The following EPS15 variants were observed in gnomAD, a reference collection of about 807,000 sequenced individuals.
The protein encoded by EPS15 is epidermal growth factor receptor substrate 15.
EPS15 carries 72 observed loss-of-function variants against 113.8 expected under a neutral mutation model. That is an observed-to-expected ratio of 0.63 (90% CI 0.52 to 0.77). EPS15 has a LOEUF of 0.77. EPS15 is among the 30% of genes least tolerant of loss of function. EPS15 has a pLI of 0.00. For missense variants in EPS15, 1,048 were observed against 1,045.8 expected, an observed-to-expected ratio of 1.00 and a Z score of -0.03; for synonymous variants, 344 against 363.4, an observed-to-expected ratio of 0.95 and a Z score of 0.61.
At chr1:51,485,994 C>T (rs944873606) in intron 1 of EPS15, among the ~76,000 whole-genome samples, 7 of 151,792 alleles carry the variant, frequency 4.6e-5, no homozygotes, top group African/African-American at 7.3e-5. Flanking sequence ...GATGGGGTTT[C>T]GCCATGTTGG....
chr1:51,408,720 C>T (rs1285247441), intron 14 of EPS15, among the ~76,000 whole-genome samples: 1 of 152,020 alleles, frequency 6.6e-6, no homozygotes, highest in Non-Finnish European at 1.5e-5. Flanking sequence ...TCAACTTTCC[C>T]AGGCTCAGGT....
chr1:51,392,647 C>T (rs979303704), intron 21 of EPS15, among the ~76,000 whole-genome samples: 14 of 152,178 alleles, frequency 9.2e-5, no homozygotes, highest in African/African-American at 3.4e-4. Context: ...GCCTCCATTC[C>T]TTGTTCACAT....
chr1:51,375,253 G>A (rs890286240), intron 21 of EPS15, among the ~76,000 whole-genome samples: 8 of 151,838 alleles, frequency 5.3e-5, no homozygotes, highest in Admixed American at 1.3e-4. Flanking sequence ...CACCTGCCTC[G>A]GCCTCCCAAA....
chr1:51,508,196 A>AAGAAAAGAAG (rs1644532665), intron 1 of EPS15, among the ~76,000 whole-genome samples: 2 of 65,850 alleles, frequency 3.0e-5, no homozygotes, highest in Non-Finnish European at 7.8e-5. Context: ...GAGAAAAGAA[A>AAGAAAAGAAG]AGAAAAGAAA....
intron 4 of EPS15, 128 bp downstream of exon 4, chr1:51,471,562 C>A: frequency 1.4e-6 from 1 of 709,088 alleles, no homozygotes. Flanking sequence ...TTGTTACACA[C>A]TTGCCCTAGG....
chr1:51,396,322 G>T (rs1194808710), intron 20 of EPS15, among the ~76,000 whole-genome samples: 1 of 152,172 alleles, frequency 6.6e-6, no homozygotes, highest in African/African-American at 2.4e-5. Context: ...TATCTGAAAT[G>T]CTTGGGACAA....
chr1:51,360,570 G>A (rs12070243), intron 24 of EPS15, among the ~76,000 whole-genome samples: 44,870 of 151,810 alleles, frequency 0.3, 8,814 homozygotes, highest in African/African-American at 0.56. Flanking sequence ...AGTGAATTAG[G>A]GCCCTCCAAA....
At chr1:51,403,396 G>T in intron 17 of EPS15, 23 bp downstream of exon 17, 1 of 1,336,174 alleles carries the variant, frequency 7.5e-7, no homozygotes, top group Non-Finnish European at 1.1e-6. Flanking sequence ...AGTCCCCAAT[G>T]TAAATATAAA....
chr1:51,506,798 A>C (rs1336850833), intron 1 of EPS15, among the ~76,000 whole-genome samples: 2 of 152,106 alleles, frequency 1.3e-5, no homozygotes, highest in African/African-American at 4.8e-5. Flanking sequence ...AAAAAAAAAA[A>C]AAACAGAACA....
At chr1:51,368,984 G>A (rs970019475) in intron 21 of EPS15, among the ~76,000 whole-genome samples, 1 of 152,080 alleles carries the variant, frequency 6.6e-6, no homozygotes, top group African/African-American at 2.4e-5. Flanking sequence ...AAAAAGAGTT[G>A]GGCTCATTTC....
At chr1:51,394,921 G>C (rs981663564) in intron 20 of EPS15, among the ~76,000 whole-genome samples, 4 of 152,094 alleles carry the variant, frequency 2.6e-5, no homozygotes, top group Non-Finnish European at 5.9e-5. Context: ...GCAGTGGTGT[G>C]ATCACAGCTT....
Position 51,447,146 on chromosome 1 carries a change from A to G in EPS15, c.652-41T>C, listed in dbSNP as rs1570324205. ...AAAACAGTATTTCTGCCAAAATGAA[A>G]CAAACTTTGAAGTGTCACTCTTTCA... On this transcript the variant is annotated intron_variant, in intron 9 of 24. Transcript: ENST00000371733. 4.5e-6 allele frequency: 7 copies of G among 1,554,132 alleles called. No homozygotes were observed. The East Asian group carries it at 1.6e-4, about 35-fold the overall frequency.
At chr1:51,413,164 T>C (rs1649898744) in intron 13 of EPS15, among the ~76,000 whole-genome samples, 1 of 152,156 alleles carries the variant, frequency 6.6e-6, no homozygotes, top group Non-Finnish European at 1.5e-5. Context: ...ATAACCTCTG[T>C]CTTCAATGTC....
At chr1:51,430,797 T>C (rs897673201) in intron 12 of EPS15, among the ~76,000 whole-genome samples, 6 of 148,374 alleles carry the variant, frequency 4.0e-5, no homozygotes, top group African/African-American at 1.5e-4. Context: ...CTCTATAAAA[T>C]TTTTTTTTTT....
rs1653210246 is a variant in EPS15 at position 51,448,043 on chromosome 1, G to T, written c.651+3C>A. 2.5e-6 allele frequency: 4 copies of T among 1,613,332 alleles called. No homozygotes were observed. The South Asian group carries it at 3.3e-5, about 13-fold the overall frequency. On this transcript the variant is annotated splice_donor_region_variant and intron_variant, in intron 9 of 24. Coordinates refer to ENST00000371733, the MANE Select transcript of EPS15 (RefSeq NM_001981.3). ...TCAACCGCACAGAGCCTGATATACT[G>T]ACCGTTTTTCTCTTAGATGGTGGCA...
At chr1:51,473,011 C>A in intron 2 of EPS15, 63 bp from the exon 3 acceptor site, 2 of 1,243,898 alleles carry the variant, frequency 1.6e-6, no homozygotes. Flanking sequence ...TCACCATTTA[C>A]CTGCCTTCCA....
chr1:51,477,387 A>G (rs868079504), intron 2 of EPS15, among the ~76,000 whole-genome samples: 2 of 151,926 alleles, frequency 1.3e-5, no homozygotes, highest in Non-Finnish European at 2.9e-5. Context: ...AATTTTGTTG[A>G]TCTTTTCAAA....
chr1:51,486,764 T>A (rs2148530383), intron 1 of EPS15, among the ~76,000 whole-genome samples: 1 of 152,192 alleles, frequency 6.6e-6, no homozygotes, highest in African/African-American at 2.4e-5. Context: ...CTGCAACCTC[T>A]GCCTCCCAGG....
In EPS15 at chr1:51,364,007, G is replaced by C. The variant is rs764080096; in HGVS notation, c.2218C>G (p.Arg740Gly). 6.2e-7 allele frequency: 1 copy of C among 1,612,382 alleles called. No homozygotes were observed. Among genetic ancestry groups the C allele is most frequent in the East Asian group, 2.2e-5 (1 of 44,826 alleles). ...LSKVNNEDPF[R>G]SATSSSVSNV... ...CTGACAGAGCTCGATGTGGCTGAAC[G>C]AAAAGGATCTTCATTGTTGACCTTT... Residue 740 changes from arginine to glycine, a missense_variant, in exon 23 of 25, where the codon CGT becomes GGT. Arg to Gly is a moderately radical substitution (Grantham distance 125). Transcript: ENST00000371733.
Sources: gnomAD v4.1 joint callset for allele counts (sites outside exome capture counted in the v4.1 genomes callset) on GRCh38, gnomAD v4.1.1 for gene constraint, MANE v1.5 for transcripts, NCBI Gene and HGNC (gene_info 2026-07-23, HGNC 2026-07-21) for gene names.